The following CES5A variants were observed in gnomAD, a reference collection of about 807,000 sequenced individuals.
CES5A encodes the protein carboxylesterase 5A, also known as carboxylesterase 5.
In CES5A, 67 loss-of-function variants were observed where a neutral mutation model predicts 62.9. The observed-to-expected ratio is 1.07, with a 90% CI of 0.88 to 1.31. CES5A has a LOEUF of 1.31. CES5A is among the 50% of genes most tolerant of loss of function. The pLI, the probability that CES5A is intolerant of heterozygous loss-of-function variation, is 0.00. For missense variants in CES5A, 748 were observed against 708.5 expected (o/e 1.06, Z -0.63); for synonymous variants, 296 against 280.8 (o/e 1.05, Z -0.54).
At position 55,849,621 on chromosome 16, in the gene CES5A, T is replaced by TACCGAACATAACAATGTCCCCC; in HGVS notation, c.1404_1423+2dup. 1 of 1,613,806 alleles carries TACCGAACATAACAATGTCCCCC rather than the reference T, an allele frequency of 6.2e-7. No individual in the cohort carries two copies. ...GAACTGTGGGAAGTGGCCAGTCCCT[T>TACCGAACATAACAATGTCCCCC]ACCGAACATAACAATGTCCCCCTTC... is the stretch of plus-strand genomic sequence containing the variant. On this transcript the variant is annotated splice_region_variant and intron_variant, in intron 11 of 12. Coordinates refer to ENST00000290567, the MANE Select transcript of CES5A (RefSeq NM_001143685.2).
Position 55,846,486 on chromosome 16 carries a change from G to C in CES5A, c.1693C>G (p.Leu565Val), listed in dbSNP as rs1296236553. Reference sequence around the variant, plus strand: ...CAAAAGAAAAAGAAAGGCTGGAGGAGAGAGAGGAAAGTTAAGGAAGAAAGA... The same window carrying C: ...CAAAAGAAAAAGAAAGGCTGGAGGACAGAGAGGAAAGTTAAGGAAGAAAGA... ...SPLSSLTFLSLLQPFFFFCAP is the reference protein window; with the variant it reads ...SPLSSLTFLSVLQPFFFFCAP The change falls in exon 13 of 13, where the codon CTC becomes GTC. Residue 565 changes from leucine (L) to valine (V), a missense_variant. Leu to Val is a conservative substitution (Grantham distance 32). Transcript: ENST00000290567. 1.9e-6 allele frequency: 3 copies of C among 1,613,984 alleles called. No homozygotes were observed. The highest frequency in any genetic ancestry group is 2.5e-6 in the Non-Finnish European group (3 of 1,179,872).
chr16:55,852,794 A>C, intron 10 of CES5A, 87 bp downstream of exon 10: 6 of 1,429,454 alleles, frequency 4.2e-6, no homozygotes, highest in Non-Finnish European at 5.7e-6. Context: ...GAGGCAGAGA[A>C]GGCAGCCGCT....
chr16:55,884,874 G>A (rs865784089), intron 1 of CES5A, among the ~76,000 whole-genome samples: 6 of 152,120 alleles, frequency 3.9e-5, no homozygotes, highest in Admixed American at 1.3e-4. Flanking sequence ...TTACAGGAGG[G>A]AGCCACTGTG....
intron 2 of CES5A, among the ~76,000 whole-genome samples, chr16:55,931,968 A>C (rs1436524556): frequency 1.3e-5 from 2 of 152,230 alleles, no homozygotes; most frequent in Non-Finnish European, 2.9e-5. Context: ...TCGCATTATG[A>C]AGAGGTGGGA....
chr16:55,872,207 C>G (rs1310210974), intron 2 of CES5A, among the ~76,000 whole-genome samples: 1 of 152,210 alleles, frequency 6.6e-6, no homozygotes, highest in Admixed American at 6.5e-5. Context: ...GCCTCTCTAC[C>G]TGGAACCACC....
At chr16:55,941,828 A>G (rs2034449591) in intron 2 of CES5A, among the ~76,000 whole-genome samples, 1 of 152,160 alleles carries the variant, frequency 6.6e-6, no homozygotes, top group African/African-American at 2.4e-5. Flanking sequence ...TTCTGATTCT[A>G]GCAGTGGCTG....
chr16:55,887,696 A>T (rs909297426), intron 1 of CES5A, among the ~76,000 whole-genome samples: 19 of 152,180 alleles, frequency 1.2e-4, no homozygotes, highest in African/African-American at 4.1e-4. Flanking sequence ...GAGCAGATCT[A>T]AGTGGAGCAA....
At chr16:55,903,572 G>T (rs1385154200) in intron 1 of CES5A, among the ~76,000 whole-genome samples, 1 of 152,148 alleles carries the variant, frequency 6.6e-6, no homozygotes, top group Non-Finnish European at 1.5e-5. Flanking sequence ...AATCCACAGG[G>T]ATATAATGGC....
At chr16:55,927,378 T>A (rs1354985668), upstream of CES5A, among the ~76,000 whole-genome samples, 2 of 152,108 alleles carry the variant, frequency 1.3e-5, no homozygotes, top group African/African-American at 4.8e-5. Flanking sequence ...GACAAAGGAC[T>A]AAGATCTAGA....
intron 1 of CES5A, among the ~76,000 whole-genome samples, chr16:55,897,520 G>A (rs759679799): frequency 2.7e-4 from 41 of 152,142 alleles, no homozygotes; most frequent in Non-Finnish European, 7.3e-5. Flanking sequence ...TCAGTCCTAT[G>A]GAAGCCAGCC....
At chr16:55,872,481 C>G (rs894965324) in intron 2 of CES5A, among the ~76,000 whole-genome samples, 5 of 152,194 alleles carry the variant, frequency 3.3e-5, no homozygotes, top group African/African-American at 1.2e-4. Context: ...CCCAGCTCAA[C>G]TGTGAGCAGC....
intron 2 of CES5A, chr16:55,944,035 G>A (rs187505529): frequency 1.4e-6 from 1 of 702,156 alleles, no homozygotes; most frequent in South Asian, 1.5e-5. Flanking sequence ...TCATTGAGGT[G>A]AAGGGGACTC....
At chr16:55,955,900 G>A (rs774324943) in exon 1 of CES5A, 11 of 1,535,994 alleles carry the variant, frequency 7.2e-6, no homozygotes, top group Non-Finnish European at 9.6e-6. Context: ...CTTGCCCTTG[G>A]TCCTAACACA....
intron 2 of CES5A, among the ~76,000 whole-genome samples, chr16:55,932,025 G>T (rs532351699): frequency 2.0e-5 from 3 of 152,186 alleles, no homozygotes; most frequent in African/African-American, 7.2e-5. Flanking sequence ...TTCATAAATG[G>T]ATTAATTCAC....
intron 1 of CES5A, among the ~76,000 whole-genome samples, chr16:55,915,003 G>T (rs1299335615): frequency 1.4e-5 from 2 of 147,024 alleles, no homozygotes; most frequent in African/African-American, 2.5e-5. Context: ...ATAAAAAGTT[G>T]TTTTTTTTTT....
At chr16:55,887,481 A>G (rs145398092) in intron 1 of CES5A, among the ~76,000 whole-genome samples, 3 of 152,268 alleles carry the variant, frequency 2.0e-5, no homozygotes, top group Admixed American at 6.5e-5. Flanking sequence ...AGAAAATTCA[A>G]TGTGGCAAGC....
chr16:55,906,139 C>G (rs1250994255), intron 1 of CES5A, among the ~76,000 whole-genome samples: 1 of 152,190 alleles, frequency 6.6e-6, no homozygotes, highest in Non-Finnish European at 1.5e-5. Context: ...GAGTCTGTTA[C>G]AGACGATCAA....
intron 2 of CES5A, among the ~76,000 whole-genome samples, chr16:55,873,103 C>T (rs979772364): frequency 1.3e-5 from 2 of 152,168 alleles, no homozygotes; most frequent in African/African-American, 4.8e-5. Flanking sequence ...TGTGGCCCAA[C>T]CTGAGAGCTT....
chr16:55,846,752 C>T lies in CES5A; in HGVS notation c.1496+16G>A, dbSNP rs771650959. On this transcript the variant is annotated intron_variant, in intron 12 of 12. Coordinates refer to ENST00000290567, the MANE Select transcript of CES5A (RefSeq NM_001143685.2). ...CCCCAGGCCTTGGCATGGGGGAGAC[C>T]GGGAGGTTTACTTACCCGGTTCGAG... 23 of 1,613,800 alleles carry T rather than the reference C, an allele frequency of 1.4e-5. No homozygotes were observed. In the African/African-American group the frequency reaches 2.5e-4, roughly 18 times the overall value.
Sources: gnomAD v4.1 joint callset for allele counts (sites outside exome capture counted in the v4.1 genomes callset) on GRCh38, gnomAD v4.1.1 for gene constraint, MANE v1.5 for transcripts, NCBI Gene and HGNC (gene_info 2026-07-23, HGNC 2026-07-21) for gene names.